ADAMTSL4: variants seen among roughly 807,000 people sequenced by gnomAD.
ADAMTSL4 encodes ADAMTS like 4, also known as ADAMTS-like protein 4.
A neutral mutation model predicts 122.8 loss-of-function variants in ADAMTSL4; 97 were observed. The ratio of observed to expected loss-of-function variants is 0.79; its 90% confidence interval spans 0.67 to 0.93. The LOEUF is 0.93. ADAMTSL4 is among the 40% of genes least tolerant of loss of function. The pLI, the probability that ADAMTSL4 is intolerant of heterozygous loss-of-function variation, is 0.00. For missense variants in ADAMTSL4, 1,408 were observed against 1,453.5 expected, an observed-to-expected ratio of 0.97 and a Z score of 0.51; for synonymous variants, 592 against 568.0, an observed-to-expected ratio of 1.04 and a Z score of -0.60.
At chr1:150,551,914 G>T in intron 2 of ADAMTSL4, 8 of 248,716 alleles carry the variant, frequency 3.2e-5, no homozygotes, top group Non-Finnish European at 4.6e-5. Context: ...AAAGCCTTTT[G>T]TGTGTGCCTG....
rs936943617 is a variant in ADAMTSL4, at chr1:150,554,371, C to T, written c.1138C>T (p.Pro380Ser). 1.2e-6 allele frequency: 2 copies of T among 1,613,028 alleles called. No homozygotes were observed. Among genetic ancestry groups the T allele is most frequent in the Admixed American group, 1.7e-5 (1 of 60,010 alleles). The change falls in exon 7 of 19, where the codon CCC becomes TCC. Residue 380 changes from proline to serine, a missense_variant. By Grantham distance (74) the Pro-to-Ser change is moderately conservative (BLOSUM62 -1). Coordinates refer to ENST00000271643, the MANE Select transcript of ADAMTSL4 (RefSeq NM_019032.6). This position sits in a 1 kb window ranked among gnomAD's most constrained non-coding sequence, Gnocchi z 4.0. ...TTTGTACCCCTCACCGCAGCCCTGC[C>T]CCCCTGAGCAGCCAGACCCCCGGGC... ...QLRACSQAPCPPEQPDPRALQ... is the reference protein window; with the variant it reads ...QLRACSQAPCSPEQPDPRALQ...
chr1:150,552,965 C>G lies in ADAMTSL4; in HGVS notation c.146C>G (p.Pro49Arg). The G allele has an allele frequency of 1.2e-6, 2 of 1,613,252 alleles. No homozygotes were observed. The highest frequency in any genetic ancestry group is 1.7e-6 in the Non-Finnish European group (2 of 1,179,992). The part of the protein sequence containing the change: ...EGQGPEGVWG[P>R]WVQWASCSQP... ...CAGGGCCCCGAAGGTGTCTGGGGAC[C>G]TTGGGTCCAGTGGGCCTCTTGCTCC... is the stretch of plus-strand genomic sequence containing the variant. Residue 49 changes from proline to arginine, a missense_variant, in exon 5 of 19, where the codon CCT becomes CGT. Pro to Arg is a moderately radical substitution (Grantham distance 103). Transcript: ENST00000271643. The surrounding 1 kb of genome is among the most constrained non-coding windows in gnomAD (Gnocchi z 4.0).
At chr1:150,550,265 A>G (rs779583885) in intron 2 of ADAMTSL4, 86 of 455,950 alleles carry the variant, frequency 1.9e-4, no homozygotes, top group South Asian at 1.3e-3. Context: ...CAAATGAGGG[A>G]CATGGAAAGG....
rs778345767 is a variant in ADAMTSL4 at position 150,556,774 on chromosome 1, C to T, written c.1730C>T (p.Thr577Ile). The change falls in exon 10 of 19, where the codon ACC becomes ATC. Residue 577 changes from threonine to isoleucine, a missense_variant. By Grantham distance (89) the Thr-to-Ile change is moderately conservative. Coordinates refer to ENST00000271643, the MANE Select transcript of ADAMTSL4 (RefSeq NM_019032.6). The surrounding 1 kb of genome is among the most constrained non-coding windows in gnomAD (Gnocchi z 4.1). Reference protein sequence around the residue: ...GESLSAEGPTTQPVDVYMIFQ... With the variant: ...GESLSAEGPTIQPVDVYMIFQ... The stretch of plus-strand genomic sequence containing the variant: ...AGTCTGTCGGCTGAAGGCCCCACCA[C>T]CCAGCCTGTGGATGTCTATGTGAGC... 1 of 1,613,328 alleles carries T rather than the reference C, an allele frequency of 6.2e-7. No homozygotes were observed. The highest frequency in any genetic ancestry group is 8.5e-7 in the Non-Finnish European group (1 of 1,179,412).
At position 150,554,044 on chromosome 1, in the gene ADAMTSL4, C is replaced by T; in HGVS notation, c.1053C>T (p.Leu351=). The change falls in exon 6 of 19, where the codon CTC becomes CTT. Residue 351 remains leucine, a synonymous_variant. Coordinates refer to ENST00000271643, the MANE Select transcript of ADAMTSL4 (RefSeq NM_019032.6). This position sits in a 1 kb window ranked among gnomAD's most constrained non-coding sequence, Gnocchi z 4.0. ...LLSNGPHASS[L]WSLFAPSSPI... ...GCAACGGCCCCCATGCCAGCTCCCT[C>T]TGGAGCCTCTTTGCTCCCAGTAGCC... 1 of 1,609,230 alleles carries T rather than the reference C, an allele frequency of 6.2e-7. No individual in the cohort carries two copies. Among genetic ancestry groups the T allele is most frequent in the Non-Finnish European group, 8.5e-7 (1 of 1,179,970 alleles).
chr1:150,556,062 C>A lies in ADAMTSL4; in HGVS notation c.1372-100C>A. On this transcript the variant is annotated intron_variant, in intron 8 of 18. Transcript: ENST00000271643. The surrounding 1 kb of genome is among the most constrained non-coding windows in gnomAD (Gnocchi z 4.1). ...TGTTTTTGTGCTCTCACTTGTGGCACAAAAAGCAGGGTAGTGAGCTGAGGC... is the reference window on the plus strand; with the variant it reads ...TGTTTTTGTGCTCTCACTTGTGGCAAAAAAAGCAGGGTAGTGAGCTGAGGC... The A allele has an allele frequency of 7.4e-7, 1 of 1,344,818 alleles. No individual in the cohort carries two copies. The highest frequency in any genetic ancestry group is 1.0e-6 in the Non-Finnish European group (1 of 954,336). 83.3% of individuals were successfully genotyped at this position (1,344,818 alleles called of 1,614,324 possible).
At position 150,553,652 on chromosome 1, in the gene ADAMTSL4, G is replaced by A. The variant is rs776049548; in HGVS notation, c.661G>A (p.Val221Ile). Residue 221 changes from valine (V) to isoleucine (I), a missense_variant, in exon 6 of 19, where the codon GTC becomes ATC. Coordinates refer to ENST00000271643, the MANE Select transcript of ADAMTSL4 (RefSeq NM_019032.6). The part of the protein sequence containing the change: ...QTELPPTELS[V>I]HTPSPQAEPL... ...TGAGCTCCCTCCCACAGAACTGTCT[G>A]TCCACACCCCATCCCCCCAAGCAGA... The A allele has an allele frequency of 3.1e-6, 5 of 1,613,434 alleles. No individual in the cohort carries two copies. In the Admixed American group the frequency reaches 8.3e-5, roughly 27 times the overall value.
In ADAMTSL4 at chr1:150,555,547, T is replaced by C; in HGVS notation, c.1353T>C (p.Cys451=). The C allele has an allele frequency of 6.2e-7, 1 of 1,614,124 alleles. No homozygotes were observed. Among genetic ancestry groups the C allele is most frequent in the Middle Eastern group, 1.6e-4 (1 of 6,062 alleles). ...GTCAGCCTGGAGCCCCTGACATCTGTGTGGCTGGACGCTGTCTGGTGAGGG... is the reference window on the plus strand; with the variant it reads ...GTCAGCCTGGAGCCCCTGACATCTGCGTGGCTGGACGCTGTCTGGTGAGGG... ...TLCQPGAPDI[C]VAGRCLSPGC... is the part of the protein sequence containing the mutation. Residue 451 remains cysteine, a synonymous_variant, in exon 8 of 19, where the codon TGT becomes TGC. Coordinates refer to ENST00000271643, the MANE Select transcript of ADAMTSL4 (RefSeq NM_019032.6).
intron 8 of ADAMTSL4, among the ~76,000 whole-genome samples, chr1:150,555,771 GCAGA>G (rs1672015974): frequency 6.6e-6 from 1 of 150,898 alleles, no homozygotes; most frequent in Non-Finnish European, 1.5e-5. Context: ...ACATGCATAT[GCAGA>G]CACATGCATG....
intron 2 of ADAMTSL4, 109 bp downstream of exon 2, chr1:150,550,004 C>T (rs1044156795): frequency 2.9e-5 from 8 of 273,970 alleles, no homozygotes; most frequent in Non-Finnish European, 5.3e-5. Context: ...TCTGAGGGCC[C>T]GGGAATTCGG....
In ADAMTSL4 at chr1:150,559,214, G is replaced by C. The variant is rs1422013819; in HGVS notation, c.2763+49G>C. 6.2e-7 allele frequency: 1 copy of C among 1,612,226 alleles called. No individual in the cohort carries two copies. The highest frequency in any genetic ancestry group is 1.3e-5 in the African/African-American group (1 of 74,860). On this transcript the variant is annotated intron_variant, in intron 16 of 18. Transcript: ENST00000271643. The surrounding 1 kb of genome is among the most constrained non-coding windows in gnomAD (Gnocchi z 4.1). ...CAGGAAGGGGGTGCCAGTCCCAGTG[G>C]GATTCCTTGTGGGCACTTGGGGTGC...
intron 15 of ADAMTSL4, 31 bp downstream of exon 15, chr1:150,558,680 A>G (rs766456819): frequency 1.2e-6 from 2 of 1,613,904 alleles, no homozygotes; most frequent in Non-Finnish European, 1.7e-6. Flanking sequence ...CATATCCTGC[A>G]TCCTGGGTAA....
In ADAMTSL4 at chr1:150,557,043, T is replaced by C. The variant is rs756209630; in HGVS notation, c.1854T>C (p.Leu618=). The C allele has an allele frequency of 1.5e-5, 24 of 1,613,392 alleles. 1 individual carries two copies. Among genetic ancestry groups the C allele is most frequent in the Non-Finnish European group, 3.4e-6 (4 of 1,179,568 alleles). Reference sequence around the variant, plus strand: ...CCCCAGAGCCCCCTGTCCCCCAGCTTCAGCCGGGTAAGACTCTGACCCCTG... The same window carrying C: ...CCCCAGAGCCCCCTGTCCCCCAGCTCCAGCCGGGTAAGACTCTGACCCCTG... ...NPTPEPPVPQ[L]QPEILRVEPP... is the part of the protein sequence containing the mutation. The change falls in exon 11 of 19, where the codon CTT becomes CTC. Residue 618 remains leucine, a synonymous_variant. Coordinates refer to ENST00000271643, the MANE Select transcript of ADAMTSL4 (RefSeq NM_019032.6).
Position 150,557,207 on chromosome 1 carries a change from G to T in ADAMTSL4, c.1919G>T (p.Gly640Val). ...GCACCCCGCCCAGCCCGGACCCCAG[G>T]CACCCTCCAGCGTCAGGTGCGGATC... is the stretch of plus-strand genomic sequence containing the variant. ...APAPRPARTP[G>V]TLQRQVRIPQ... The change falls in exon 12 of 19, where the codon GGC becomes GTC. Residue 640 changes from glycine (G) to valine (V), a missense_variant. Transcript: ENST00000271643. 6.2e-7 allele frequency: 1 copy of T among 1,611,926 alleles called. No homozygotes were observed. Among genetic ancestry groups the T allele is most frequent in the Non-Finnish European group, 8.5e-7 (1 of 1,179,720 alleles).
At chr1:150,551,111 C>A in intron 2 of ADAMTSL4, 1 of 420,630 alleles carries the variant, frequency 2.4e-6, no homozygotes, top group East Asian at 7.1e-5. Flanking sequence ...GGCTTCCAAG[C>A]CTCACTTCTC....
Position 150,559,705 on chromosome 1 carries a change from T to C in ADAMTSL4, c.2944-56T>C. On this transcript the variant is annotated intron_variant, in intron 17 of 18. Coordinates refer to ENST00000271643, the MANE Select transcript of ADAMTSL4 (RefSeq NM_019032.6). The surrounding 1 kb of genome is among the most constrained non-coding windows in gnomAD (Gnocchi z 4.1). The stretch of plus-strand genomic sequence containing the variant: ...TGGGGAGAGAGGTGGCAGCCAGGGG[T>C]TAAGGAGAATCCCGGGCCTGGCAAA... 6 of 1,611,984 alleles carry C rather than the reference T, an allele frequency of 3.7e-6. No individual in the cohort carries two copies. Among genetic ancestry groups the C allele is most frequent in the Non-Finnish European group, 5.1e-6 (6 of 1,179,452 alleles).
rs80077246 is a variant in ADAMTSL4, at chr1:150,555,610, C to G, written c.1371+45C>G. 6.9e-6 allele frequency: 10 copies of G among 1,451,920 alleles called. No homozygotes were observed. In the East Asian group the frequency reaches 2.5e-4, roughly 37 times the overall value. 89.9% of individuals were successfully genotyped at this position (1,451,920 alleles called of 1,614,324 possible). A position where few individuals can be genotyped will look rare whatever the true frequency, so the allele number is the denominator to read the frequency against. ...GTGTGCACACACACATGCATATGCA[C>G]ACAGACACATGCCCCCATATGCATA... On this transcript the variant is annotated intron_variant, in intron 8 of 18. Transcript: ENST00000271643.
chr1:150,554,510 T>C lies in ADAMTSL4; in HGVS notation c.1234+43T>C. Reference sequence around the variant, plus strand: ...CCCCTGGGCAGTGGTGGCTTGGAATTGGGGATGAAGGGGAGAGGAGATACC... The same window carrying C: ...CCCCTGGGCAGTGGTGGCTTGGAATCGGGGATGAAGGGGAGAGGAGATACC... On this transcript the variant is annotated intron_variant, in intron 7 of 18. Transcript: ENST00000271643. This position sits in a 1 kb window ranked among gnomAD's most constrained non-coding sequence, Gnocchi z 4.0. The C allele has an allele frequency of 6.2e-7, 1 of 1,612,792 alleles. No individual in the cohort carries two copies. Among genetic ancestry groups the C allele is most frequent in the African/African-American group, 1.3e-5 (1 of 74,950 alleles).
At position 150,559,508 on chromosome 1, in the gene ADAMTSL4, C is replaced by T; in HGVS notation, c.2943+42C>T. Reference sequence around the variant, plus strand: ...GCTGTCCTGCCCTGCTCAGCCTGGGCCCCTAGGGGAGGGGAGCTCCTCTCG... The same window carrying T: ...GCTGTCCTGCCCTGCTCAGCCTGGGTCCCTAGGGGAGGGGAGCTCCTCTCG... On this transcript the variant is annotated intron_variant, in intron 17 of 18. Transcript: ENST00000271643. The surrounding 1 kb of genome is among the most constrained non-coding windows in gnomAD (Gnocchi z 4.1). 1 of 1,610,366 alleles carries T rather than the reference C, an allele frequency of 6.2e-7. No individual in the cohort carries two copies.
Sources: allele counts gnomAD v4.1 joint callset (sites outside exome capture counted in the v4.1 genomes callset), GRCh38; gene constraint gnomAD v4.1.1; non-coding constraint Gnocchi (gnomAD v3.1); transcripts MANE v1.5; gene names NCBI Gene and HGNC (gene_info 2026-07-23, HGNC 2026-07-21).